Variants in NOS1 observed in about 807,000 individuals in gnomAD.
NOS1 encodes the protein NOS type I.
NOS1 carries 51 observed loss-of-function variants against 164.5 expected under a neutral mutation model. The ratio of observed to expected loss-of-function variants is 0.31; its 90% confidence interval spans 0.25 to 0.39. NOS1 has a LOEUF of 0.39. Among genes scored for constraint, NOS1 ranks in the 10% least tolerant of loss-of-function variants. NOS1 has a pLI of 1.00. For synonymous variants in NOS1, 719 were observed against 745.8 expected (o/e 0.96, Z 0.59); for missense variants, 1,362 against 1,885.6 (o/e 0.72, Z 5.14).
chr12:117,301,747 G>A (rs1017757370), intron 3 of NOS1, among the ~76,000 whole-genome samples: 2 of 152,170 alleles, frequency 1.3e-5, no homozygotes, highest in Non-Finnish European at 2.9e-5. Flanking sequence ...CAAAGATGAC[G>A]ATGTGGTCAC....
At position 117,243,275 on chromosome 12, in the gene NOS1, C is replaced by A; in HGVS notation, c.2962+22G>T. On this transcript the variant is annotated intron_variant, in intron 19 of 28. Transcript: ENST00000317775. The surrounding 1 kb of genome is among the most constrained non-coding windows in gnomAD (Gnocchi z 4.3). ...TTCCCCCATTGTCACGAATACCTCC[C>A]TGGAAGGGTGGTGGGAGGTACCTTG... 1 of 1,613,202 alleles carries A rather than the reference C, an allele frequency of 6.2e-7. No homozygotes were observed. The highest frequency in any genetic ancestry group is 1.3e-5 in the African/African-American group (1 of 75,032).
intron 8 of NOS1, among the ~76,000 whole-genome samples, chr12:117,278,683 A>C (rs1009301384): frequency 2.6e-5 from 4 of 152,060 alleles, no homozygotes; most frequent in Non-Finnish European, 5.9e-5. Flanking sequence ...CACATTAGAA[A>C]AAAAAAACAA....
At chr12:117,259,873 A>G (rs780025254) in intron 14 of NOS1, among the ~76,000 whole-genome samples, 2 of 152,148 alleles carry the variant, frequency 1.3e-5, no homozygotes, top group Non-Finnish European at 2.9e-5. Flanking sequence ...TAATCCCAGC[A>G]CTTTGGGAGG....
Position 117,300,003 on chromosome 12 carries a change from T to G in NOS1, c.853-9577A>C, listed in dbSNP as rs192185204. On this transcript the variant is annotated intron_variant, in intron 3 of 28. Transcript: ENST00000317775. ...CCTATGATACCGCATCATACTGTGT[T>G]TGTTTGTTGAAAGCCTTAACTTGCT... Among the ~76,000 whole-genome samples the G allele has an allele frequency of 1.2e-4, 18 of 152,264 alleles. No homozygotes were observed. In the East Asian group the frequency reaches 3.1e-3, roughly 26 times the overall value.
intron 17 of NOS1, among the ~76,000 whole-genome samples, chr12:117,247,827 T>C (rs925138154): frequency 1.3e-4 from 20 of 151,848 alleles, no homozygotes; most frequent in African/African-American, 4.8e-4. Context: ...GCGCCTGTAG[T>C]CCCAGCTACT....
chr12:117,211,194 C>T lies in NOS1; in HGVS notation c.*4115G>A, dbSNP rs1956521808. The T allele has an allele frequency of 1.1e-6, 1 of 943,178 alleles. No individual in the cohort carries two copies. Among genetic ancestry groups the T allele is most frequent in the African/African-American group, 1.8e-5 (1 of 56,312 alleles). 58.4% of individuals were successfully genotyped at this position (943,178 alleles called of 1,614,324 possible). A position where few individuals can be genotyped will look rare whatever the true frequency, so the allele number is the denominator to read the frequency against. ...ACTGGTCTCCAACTCCTGACCTCAA[C>T]TGATACACCCACCTCGGCCTCCCAA... On this transcript the variant is annotated 3_prime_UTR_variant, in exon 29 of 29. Coordinates refer to ENST00000317775, the MANE Select transcript of NOS1 (RefSeq NM_000620.5).
chr12:117,224,805 C>A (rs2293045), intron 25 of NOS1, among the ~76,000 whole-genome samples: 1 of 152,160 alleles, frequency 6.6e-6, no homozygotes, highest in African/African-American at 2.4e-5. Flanking sequence ...GAAATGTCCT[C>A]TGGGCCTGGA....
chr12:117,286,493 G>A (rs1363121261), intron 5 of NOS1, among the ~76,000 whole-genome samples: 1 of 152,146 alleles, frequency 6.6e-6, no homozygotes, highest in Non-Finnish European at 1.5e-5. Flanking sequence ...TGGGGACTGT[G>A]GCAAACAAGT....
intron 1 of NOS1, among the ~76,000 whole-genome samples, chr12:117,332,587 G>A (rs9658269): frequency 0.095 from 14,434 of 151,778 alleles, 921 homozygotes; most frequent in Admixed American, 0.17. Flanking sequence ...AAATCAGGCC[G>A]GTCACAGTGC....
intron 2 of NOS1, among the ~76,000 whole-genome samples, chr12:117,326,474 C>A (rs1188712143): frequency 6.6e-6 from 1 of 152,098 alleles, no homozygotes; most frequent in Non-Finnish European, 1.5e-5. Flanking sequence ...GGAGGACACA[C>A]ACTATGATTA....
At chr12:117,360,744 C>T (rs1295471235) in intron 1 of NOS1, among the ~76,000 whole-genome samples, 1 of 152,240 alleles carries the variant, frequency 6.6e-6, no homozygotes, top group African/African-American at 2.4e-5. Context: ...GATTCGGCCG[C>T]AGAGTCGGGC....
intron 3 of NOS1, among the ~76,000 whole-genome samples, chr12:117,302,723 ATT>A (rs1371125930): frequency 2.6e-5 from 4 of 151,738 alleles, no homozygotes; most frequent in African/African-American, 9.7e-5. Context: ...GCACCGTGAT[ATT>A]GTTATCACTG....
At position 117,226,747 on chromosome 12, in the gene NOS1, C is replaced by G; in HGVS notation, c.3640G>C (p.Gly1214Arg). The part of the protein sequence containing the change: ...TRDGEGPIHH[G>R]VCSSWLNRIQ... ...CGGTTGAGCCAGGAGGAGCATACGC[C>G]GTGGTGAATTGGTCCTTCTCCATCT... The change falls in exon 24 of 29, where the codon GGC (glycine) becomes CGC (arginine). Residue 1214 changes from glycine (G) to arginine (R), a missense_variant. By Grantham distance (125) the Gly-to-Arg change is moderately radical (BLOSUM62 -2). Coordinates refer to ENST00000317775, the MANE Select transcript of NOS1 (RefSeq NM_000620.5). The G allele has an allele frequency of 6.2e-7, 1 of 1,613,960 alleles. No homozygotes were observed. Among genetic ancestry groups the G allele is most frequent in the Non-Finnish European group, 8.5e-7 (1 of 1,179,932 alleles).
chr12:117,312,921 A>T (rs1179438741), intron 2 of NOS1, among the ~76,000 whole-genome samples: 2 of 152,100 alleles, frequency 1.3e-5, no homozygotes, highest in East Asian at 3.9e-4. Context: ...TACCACAATC[A>T]TCACCATAGC....
rs570554944 is a variant in NOS1 at position 117,256,080 on chromosome 12, G to A, written c.2531+2317C>T. Reference sequence around the variant, plus strand: ...TGGTGCCCTATCTCTCCCTGAAGGAGGGGTGAGAGGGAACCTGCTGGGAGG... The same window carrying A: ...TGGTGCCCTATCTCTCCCTGAAGGAAGGGTGAGAGGGAACCTGCTGGGAGG... On this transcript the variant is annotated intron_variant, in intron 16 of 28. Coordinates refer to ENST00000317775, the MANE Select transcript of NOS1 (RefSeq NM_000620.5). 4 of 1,125,904 alleles carry A rather than the reference G, an allele frequency of 3.6e-6. No individual in the cohort carries two copies. In the South Asian group the frequency reaches 1.0e-4, roughly 28 times the overall value. The allele number at this position is 1,125,904 out of a possible 1,614,324, so 69.7% of individuals were successfully genotyped here.
intron 9 of NOS1, among the ~76,000 whole-genome samples, chr12:117,273,988 C>T (rs1447521253): frequency 1.3e-5 from 2 of 152,058 alleles, no homozygotes; most frequent in Admixed American, 6.6e-5. Flanking sequence ...AACTAACAAA[C>T]GTCTGCAGAG....
intron 6 of NOS1, among the ~76,000 whole-genome samples, chr12:117,285,759 C>A (rs1874071497): frequency 6.6e-6 from 1 of 152,092 alleles, no homozygotes; most frequent in Non-Finnish European, 1.5e-5. Context: ...AACCAAGGGA[C>A]ACAGAAACTA....
rs1233021256 is a variant in NOS1 at position 117,331,187 on chromosome 12, G to A, written c.-118C>T. ...CGGAGAGCAGGAGCCGGGGTGACAG[G>A]TGCTGACAAGGCTTCAGCCCTCTCT... On this transcript the variant is annotated 5_prime_UTR_variant, in exon 2 of 29. Coordinates refer to ENST00000317775, the MANE Select transcript of NOS1 (RefSeq NM_000620.5). 1 of 1,304,866 alleles carries A rather than the reference G, an allele frequency of 7.7e-7. No individual in the cohort carries two copies. Among genetic ancestry groups the A allele is most frequent in the Non-Finnish European group, 1.1e-6 (1 of 951,770 alleles). 80.8% of individuals were successfully genotyped at this position (1,304,866 alleles called of 1,614,324 possible).
Position 117,215,291 on chromosome 12 carries a change from C to T in NOS1, c.*18G>A, listed in dbSNP as rs906633466. On this transcript the variant is annotated 3_prime_UTR_variant, in exon 29 of 29. Transcript: ENST00000317775. ...CCGCGCTTACAAAACTTGCAGCCGG[C>T]TGGGCAAGAGGGTCCAGTTAGGAGC... The T allele has an allele frequency of 6.5e-7, 1 of 1,549,498 alleles. No individual in the cohort carries two copies. Among genetic ancestry groups the T allele is most frequent in the South Asian group, 1.2e-5 (1 of 80,758 alleles).
Sources: allele counts gnomAD v4.1 joint callset (sites outside exome capture counted in the v4.1 genomes callset), GRCh38; gene constraint gnomAD v4.1.1; non-coding constraint Gnocchi (gnomAD v3.1); transcripts MANE v1.5; gene names NCBI Gene and HGNC (gene_info 2026-07-23, HGNC 2026-07-21).